The following LRRK2 variants were observed in gnomAD, a reference collection of about 807,000 sequenced individuals.
LRRK2 encodes the protein leucine rich repeat kinase 2, also known as leucine-rich repeat serine/threonine-protein kinase 2.
In LRRK2, 203 loss-of-function variants were observed where a neutral mutation model predicts 302.6. The ratio of observed to expected loss-of-function variants is 0.67; its 90% CI spans 0.60 to 0.75. The LOEUF is 0.75. Ranked by LOEUF, LRRK2 falls within the 30% of genes least tolerant of loss-of-function variation. LRRK2 has a pLI of 0.00. For synonymous variants in LRRK2, 1,066 were observed against 1,031.9 expected (o/e 1.03, Z -0.63); for missense variants, 2,830 against 2,951.0 (o/e 0.96, Z 0.95).
At chr12:40,243,250 C>T (rs1941820224) in intron 6 of LRRK2, among the ~76,000 whole-genome samples, 1 of 151,188 alleles carries the variant, frequency 6.6e-6, no homozygotes, top group South Asian at 2.1e-4. Flanking sequence ...AGTACTTTTC[C>T]TTTCATTTTC....
At chr12:40,260,821 C>G (rs976895840) in intron 13 of LRRK2, among the ~76,000 whole-genome samples, 2 of 152,062 alleles carry the variant, frequency 1.3e-5, no homozygotes, top group Non-Finnish European at 2.9e-5. Flanking sequence ...GTTGGGAGAT[C>G]TGTTTGATGT....
chr12:40,247,733 TA>T (rs1565678057), intron 7 of LRRK2, among the ~76,000 whole-genome samples: 1 of 59,154 alleles, frequency 1.7e-5, no homozygotes, highest in Non-Finnish European at 4.0e-5. Flanking sequence ...TATACAAATA[TA>T]AATATATACA....
intron 46 of LRRK2, among the ~76,000 whole-genome samples, chr12:40,356,850 A>G (rs1372431658): frequency 6.6e-6 from 1 of 152,224 alleles, no homozygotes; most frequent in Non-Finnish European, 1.5e-5. Flanking sequence ...TTTATGGGGT[A>G]CATGTGATAT....
intron 50 of LRRK2, 102 bp downstream of exon 50, chr12:40,367,179 T>C: frequency 2.0e-6 from 2 of 979,994 alleles, no homozygotes; most frequent in Non-Finnish European, 3.1e-6. Context: ...ACATATGGTA[T>C]AATCAGGAAT....
chr12:40,355,012 CT>C lies in LRRK2; in HGVS notation c.6770+521del, dbSNP rs1242347116. On this transcript the variant is annotated intron_variant, in intron 45 of 50. Coordinates refer to ENST00000298910, the MANE Select transcript of LRRK2 (RefSeq NM_198578.4). ...GGGTTCTTGTCCCAAAGAAATATAT[CT>C]ACATAGCAAAATTTCAGGTGTGAGT... Among the ~76,000 whole-genome samples, 3 of 152,232 alleles carry C rather than the reference CT, an allele frequency of 2.0e-5. No homozygotes were observed. In the East Asian group the frequency reaches 5.8e-4, roughly 29 times the overall value.
intron 19 of LRRK2, among the ~76,000 whole-genome samples, 172 bp from the exon 20 acceptor site, chr12:40,287,179 A>G (rs1943959513): frequency 6.6e-6 from 1 of 152,008 alleles, no homozygotes; most frequent in Admixed American, 6.6e-5. Context: ...TTTAAAAAAT[A>G]TATGATCTGC....
chr12:40,246,120 A>C (rs1216590280), intron 7 of LRRK2, among the ~76,000 whole-genome samples: 1 of 151,986 alleles, frequency 6.6e-6, no homozygotes, highest in Non-Finnish European at 1.5e-5. Flanking sequence ...AATTTTGTTA[A>C]GAAATTTTAT....
At chr12:40,321,941 A>T (rs1450673069) in intron 35 of LRRK2, 94 bp from the exon 36 acceptor site, 3 of 1,236,806 alleles carry the variant, frequency 2.4e-6, no homozygotes, top group African/African-American at 3.0e-5. Flanking sequence ...TTTCAAAATG[A>T]ATAGATCTGT....
chr12:40,294,773 G>C, intron 21 of LRRK2, 72 bp from the exon 22 acceptor site: 1 of 883,500 alleles, frequency 1.1e-6, no homozygotes, highest in Non-Finnish European at 1.8e-6. Context: ...AAATTTCATG[G>C]TTCCTTCCTT....
chr12:40,256,685 A>G (rs1462284670), intron 11 of LRRK2, among the ~76,000 whole-genome samples: 1 of 152,208 alleles, frequency 6.6e-6, no homozygotes, highest in Non-Finnish European at 1.5e-5. Flanking sequence ...ACTGGGATAA[A>G]TGGACAAAGC....
intron 6 of LRRK2, among the ~76,000 whole-genome samples, chr12:40,241,112 A>T (rs1350971095): frequency 3.3e-5 from 5 of 152,248 alleles, no homozygotes; most frequent in Admixed American, 1.3e-4. Context: ...TCAAGAAGAC[A>T]AAAGTAGCTC....
At chr12:40,287,221 A>G (rs546127441) in intron 19 of LRRK2, 130 bp from the exon 20 acceptor site, 1 of 786,414 alleles carries the variant, frequency 1.3e-6, no homozygotes, top group African/African-American at 1.7e-5. Flanking sequence ...CACTAGTGTA[A>G]GGTGACTTTG....
intron 45 of LRRK2, 148 bp from the exon 46 acceptor site, chr12:40,355,967 T>C (rs1409112414): frequency 1.6e-6 from 1 of 617,844 alleles, no homozygotes; most frequent in Non-Finnish European, 2.8e-6. Context: ...TTCCAAGTCT[T>C]CTAAAGTAAA....
chr12:40,309,503 T>G (rs1944964118), intron 30 of LRRK2, among the ~76,000 whole-genome samples: 1 of 152,126 alleles, frequency 6.6e-6, no homozygotes, highest in Non-Finnish European at 1.5e-5. Flanking sequence ...GTTCAACTGT[T>G]TTTTAATTAT....
chr12:40,238,168 A>G, intron 5 of LRRK2, 65 bp downstream of exon 5: 1 of 1,475,760 alleles, frequency 6.8e-7, no homozygotes, highest in Non-Finnish European at 9.3e-7. Context: ...TGGGAAAAGT[A>G]GAACACAGTT....
chr12:40,348,345 T>C, intron 42 of LRRK2, 64 bp from the exon 43 acceptor site: 1 of 1,114,464 alleles, frequency 9.0e-7, no homozygotes, highest in South Asian at 1.3e-5. Flanking sequence ...TTATAAACAT[T>C]GAGAGGAAAT....
chr12:40,321,223 A>G (rs778903988), intron 35 of LRRK2, 35 bp downstream of exon 35: 16 of 1,581,208 alleles, frequency 1.0e-5, no homozygotes, highest in Admixed American at 3.4e-5. Context: ...AGATTTTTAG[A>G]GACTATTAAT....
intron 13 of LRRK2, among the ~76,000 whole-genome samples, chr12:40,262,246 AC>A (rs1366618576): frequency 2.0e-5 from 3 of 152,146 alleles, no homozygotes; most frequent in Non-Finnish European, 2.9e-5. Context: ...AATATGGAGG[AC>A]TTAAAAAGTA....
At chr12:40,293,894 CACAT>C (rs372539018) in intron 21 of LRRK2, among the ~76,000 whole-genome samples, 80 of 70,142 alleles carry the variant, frequency 1.1e-3, no homozygotes, top group Non-Finnish European at 9.3e-4. Context: ...TTTTTTGGGG[CACAT>C]ATATATATAT....
Sources: allele counts gnomAD v4.1 joint callset (sites outside exome capture counted in the v4.1 genomes callset), GRCh38; gene constraint gnomAD v4.1.1; transcripts MANE v1.5; gene names NCBI Gene and HGNC (gene_info 2026-07-23, HGNC 2026-07-21).